The following UGGT2 variants were observed in gnomAD, a reference collection of about 807,000 sequenced individuals.
UGGT2 encodes UDP-glucose glycoprotein glucosyltransferase 2.
A neutral mutation model predicts 192.1 loss-of-function variants in UGGT2; 180 were observed. The observed-to-expected ratio is 0.94, with a 90% CI of 0.83 to 1.06. UGGT2 has a LOEUF of 1.06. UGGT2 is among the 50% of genes least tolerant of loss of function. The probability of loss-of-function intolerance (pLI) is 0.00; values close to 1 mark genes in which losing one functional copy is unlikely to be tolerated. For synonymous variants in UGGT2, 580 were observed against 591.0 expected (o/e 0.98, Z 0.27); for missense variants, 1,849 against 1,795.7 (o/e 1.03, Z -0.54).
intron 29 of UGGT2, among the ~76,000 whole-genome samples, chr13:95,873,232 A>G (rs1002988615): frequency 6.6e-6 from 1 of 152,248 alleles, no homozygotes; most frequent in Non-Finnish European, 1.5e-5. Context: ...CATGGCTTTT[A>G]TAAGGGTCAA....
intron 4 of UGGT2, among the ~76,000 whole-genome samples, chr13:96,022,526 AACT>A (rs1306904535): frequency 6.6e-6 from 1 of 151,812 alleles, no homozygotes; most frequent in Non-Finnish European, 1.5e-5. Flanking sequence ...AAATTAAAAA[AACT>A]ACTTTATTAT....
intron 1 of UGGT2, among the ~76,000 whole-genome samples, chr13:96,047,335 T>C (rs902310458): frequency 2.0e-5 from 3 of 152,214 alleles, no homozygotes; most frequent in Non-Finnish European, 4.4e-5. Flanking sequence ...CTGCAGCCTC[T>C]GCTGTAGATA....
chr13:95,830,357 G>A (rs1418590710), intron 38 of UGGT2, among the ~76,000 whole-genome samples: 2 of 152,136 alleles, frequency 1.3e-5, no homozygotes, highest in African/African-American at 4.8e-5. Context: ...TACAGAATGG[G>A]AGAAAATTTT....
chr13:95,802,590 C>T (rs1311098378), intron 38 of UGGT2, among the ~76,000 whole-genome samples: 6 of 152,252 alleles, frequency 3.9e-5, no homozygotes, highest in East Asian at 1.9e-4. Flanking sequence ...ATAGACTGCA[C>T]GAAACAACTT....
intron 4 of UGGT2, among the ~76,000 whole-genome samples, chr13:96,016,126 C>T (rs1439158494): frequency 6.6e-6 from 1 of 152,152 alleles, no homozygotes. Context: ...CTTCTAACAA[C>T]ATATGTTCAG....
At chr13:95,985,638 A>C (rs1197449096) in intron 9 of UGGT2, among the ~76,000 whole-genome samples, 1 of 152,156 alleles carries the variant, frequency 6.6e-6, no homozygotes, top group Non-Finnish European at 1.5e-5. Flanking sequence ...CTTTAGTATA[A>C]GCTAACTCAT....
chr13:95,821,464 A>G (rs1885507364), intron 38 of UGGT2, among the ~76,000 whole-genome samples: 1 of 152,014 alleles, frequency 6.6e-6, no homozygotes, highest in South Asian at 2.1e-4. Flanking sequence ...AGTTTTTTGT[A>G]GATTCTGGAT....
At chr13:96,004,139 G>A (rs2051894784) in intron 5 of UGGT2, among the ~76,000 whole-genome samples, 1 of 150,022 alleles carries the variant, frequency 6.7e-6, no homozygotes, top group African/African-American at 2.5e-5. Flanking sequence ...GCTATCCCCA[G>A]GTAAGCAGCA....
At chr13:96,015,326 T>C (rs2052300006) in intron 4 of UGGT2, among the ~76,000 whole-genome samples, 1 of 149,822 alleles carries the variant, frequency 6.7e-6, no homozygotes, top group South Asian at 2.1e-4. Context: ...AATAAAACTA[T>C]GCTAGGAGAT....
intron 20 of UGGT2, among the ~76,000 whole-genome samples, chr13:95,909,782 A>AAT (rs369897411): frequency 0.053 from 6,124 of 114,822 alleles, 164 homozygotes; most frequent in East Asian, 0.15. Context: ...ATAATAATAA[A>AAT]AAAGATTCCT....
chr13:95,966,246 TGGA>T (rs1375208654), intron 12 of UGGT2, among the ~76,000 whole-genome samples: 1 of 152,132 alleles, frequency 6.6e-6, no homozygotes, highest in African/African-American at 2.4e-5. Context: ...TGCAGCAACA[TGGA>T]GGAAACTGGA....
rs1385723936 is a variant in UGGT2, at chr13:96,053,175, G to C, written c.138C>G (p.Thr46=). Residue 46 remains threonine (T), a synonymous_variant, in exon 1 of 39, where the codon ACC becomes ACG. Transcript: ENST00000376747. Reference sequence around the variant, plus strand: ...CCCACCTTGCCTCCAGCAGCAGCGGGGTCTCGGGCCACTTCGCGGCCAAGT... The same window carrying C: ...CCCACCTTGCCTCCAGCAGCAGCGGCGTCTCGGGCCACTTCGCGGCCAAGT... ...TAHLAAKWPE[T]PLLLEASEFM... The C allele has an allele frequency of 1.3e-6, 2 of 1,516,326 alleles. No homozygotes were observed. Among genetic ancestry groups the C allele is most frequent in the Non-Finnish European group, 8.8e-7 (1 of 1,137,586 alleles). 93.9% of individuals were successfully genotyped at this position (1,516,326 alleles called of 1,614,324 possible). A position where few individuals can be genotyped will look rare whatever the true frequency, so the allele number is the denominator to read the frequency against.
intron 36 of UGGT2, among the ~76,000 whole-genome samples, chr13:95,848,889 A>T (rs1004631480): frequency 1.3e-5 from 2 of 152,218 alleles, no homozygotes; most frequent in Admixed American, 1.3e-4. Context: ...GTCTTGAGCA[A>T]TTTAGTCTTC....
At position 95,801,775 on chromosome 13, in the gene UGGT2, T is replaced by G; in HGVS notation, c.*15A>C. On this transcript the variant is annotated 3_prime_UTR_variant, in exon 39 of 39. Coordinates refer to ENST00000376747, the MANE Select transcript of UGGT2 (RefSeq NM_020121.4). Reference sequence around the variant, plus strand: ...TCCTGTCATGCTTTCGCCTTCCTTCTCATATACACCAGTGCTAGAGTTCAT... The same window carrying G: ...TCCTGTCATGCTTTCGCCTTCCTTCGCATATACACCAGTGCTAGAGTTCAT... The G allele has an allele frequency of 6.2e-7, 1 of 1,611,340 alleles. No individual in the cohort carries two copies. Among genetic ancestry groups the G allele is most frequent in the Non-Finnish European group, 8.5e-7 (1 of 1,178,770 alleles).
chr13:95,877,003 T>A, intron 29 of UGGT2: 1 of 228,552 alleles, frequency 4.4e-6, no homozygotes. Context: ...TGGGCCTCAG[T>A]CTCCTGAATA....
intron 5 of UGGT2, among the ~76,000 whole-genome samples, chr13:96,001,740 T>A (rs1053421144): frequency 2.0e-5 from 3 of 152,200 alleles, no homozygotes; most frequent in Non-Finnish European, 2.9e-5. Flanking sequence ...TTTATAGATA[T>A]CTACTTTTAT....
chr13:95,830,851 C>G (rs1314710603), intron 38 of UGGT2, among the ~76,000 whole-genome samples: 2 of 152,162 alleles, frequency 1.3e-5, no homozygotes, highest in Admixed American at 1.3e-4. Context: ...CGGCACTATT[C>G]ACAATAGCAA....
chr13:95,851,244 C>T (rs1332566746), intron 36 of UGGT2, among the ~76,000 whole-genome samples: 2 of 152,102 alleles, frequency 1.3e-5, no homozygotes, highest in Non-Finnish European at 2.9e-5. Flanking sequence ...AACTTGAGTT[C>T]TTGACTTTTT....
At chr13:96,010,308 T>A (rs2052120895) in intron 5 of UGGT2, among the ~76,000 whole-genome samples, 1 of 152,172 alleles carries the variant, frequency 6.6e-6, no homozygotes, top group African/African-American at 2.4e-5. Flanking sequence ...ACACAGTGCA[T>A]GCCGGGCTTA....
Sources: allele counts gnomAD v4.1 joint callset (sites outside exome capture counted in the v4.1 genomes callset), GRCh38; gene constraint gnomAD v4.1.1; transcripts MANE v1.5; gene names NCBI Gene and HGNC (gene_info 2026-07-23, HGNC 2026-07-21).